The following ENPP2 variants were observed in gnomAD, a reference collection of about 807,000 sequenced individuals.
ENPP2 encodes the protein autotaxin.
A neutral mutation model predicts 120.2 loss-of-function variants in ENPP2; 51 were observed. The observed-to-expected ratio is 0.42, with a 90% confidence interval of 0.34 to 0.54. ENPP2 has a LOEUF of 0.54. Ranked by LOEUF, ENPP2 falls within the 20% of genes least tolerant of loss-of-function variation. ENPP2 has a pLI of 0.04. For missense variants in ENPP2, 920 were observed against 1,066.5 expected, an observed-to-expected ratio of 0.86 and a Z score of 1.91; for synonymous variants, 365 against 366.4, an observed-to-expected ratio of 1.00 and a Z score of 0.04.
intron 13 of ENPP2, 74 bp downstream of exon 13, chr8:119,590,431 C>A: frequency 8.2e-7 from 1 of 1,220,362 alleles, no homozygotes; most frequent in South Asian, 2.0e-5. Flanking sequence ...AGTATTTCAG[C>A]TTTAGAAAAC....
chr8:119,650,274 T>C (rs1459122130), intron 1 of ENPP2, among the ~76,000 whole-genome samples: 1 of 152,096 alleles, frequency 6.6e-6, no homozygotes, highest in Admixed American at 6.5e-5. Context: ...ATATAAAACA[T>C]CTAGAAGAGG....
Position 119,593,763 on chromosome 8 carries a change from A to T in ENPP2, c.1070T>A (p.Val357Asp). Reference sequence around the variant, plus strand: ...AAACAAAGCTTTACCATGGTCTCCGACAAAGATGACGTTGACACACCGATG... The same window carrying T: ...AAACAAAGCTTTACCATGGTCTCCGTCAAAGATGACGTTGACACACCGATG... ...KLHRCVNVIF[V>D]GDHGMEDVTC... Residue 357 changes from valine to aspartate, a missense_variant, in exon 12 of 25, where the codon GTC (valine) becomes GAC (aspartate). Coordinates refer to ENST00000075322, the MANE Select transcript of ENPP2 (RefSeq NM_001040092.3). The T allele has an allele frequency of 6.2e-7, 1 of 1,602,986 alleles. No homozygotes were observed. The highest frequency in any genetic ancestry group is 1.1e-5 in the South Asian group (1 of 90,862).
rs73712345 is a variant in ENPP2, at chr8:119,596,882, C to A, written c.973-3022G>T. Reference sequence around the variant, plus strand: ...AAGTTGACACATAAACTGAAGATAACCTTTTGGGATTTCCAAATGCTGGAG... The same window carrying A: ...AAGTTGACACATAAACTGAAGATAAACTTTTGGGATTTCCAAATGCTGGAG... On this transcript the variant is annotated intron_variant, in intron 11 of 24. Transcript: ENST00000075322. 2.6e-5 allele frequency among the ~76,000 whole-genome samples: 4 copies of A among 152,036 alleles called. No individual in the cohort carries two copies. In the East Asian group the frequency reaches 7.8e-4, roughly 29 times the overall value.
chr8:119,654,728 A>T (rs1817721305), intron 1 of ENPP2, among the ~76,000 whole-genome samples: 1 of 152,122 alleles, frequency 6.6e-6, no homozygotes. Flanking sequence ...AAATAGTTAT[A>T]AAAAATGAAC....
chr8:119,655,287 A>T (rs1185859591), intron 1 of ENPP2, among the ~76,000 whole-genome samples: 1 of 152,218 alleles, frequency 6.6e-6, no homozygotes, highest in African/African-American at 2.4e-5. Flanking sequence ...TCCTTTGTAA[A>T]CAGAGAGTCA....
chr8:119,581,590 T>C (rs1445239352), intron 18 of ENPP2, among the ~76,000 whole-genome samples: 1 of 152,102 alleles, frequency 6.6e-6, no homozygotes, highest in African/African-American at 2.4e-5. Context: ...TGTCTCTCCA[T>C]GTTTTGGAAA....
Position 119,562,990 on chromosome 8 carries a change from G to C in ENPP2, c.2288C>G (p.Pro763Arg). The C allele has an allele frequency of 6.2e-7, 1 of 1,613,882 alleles. No homozygotes were observed. Among genetic ancestry groups the C allele is most frequent in the Non-Finnish European group, 8.5e-7 (1 of 1,179,884 alleles). ...IKQYVEGSSI[P>R]VPTHYYSIIT... ...GATGCTGTAGTAGTGAGTTGGAACAGGAATGGAACTGCCTTCCACGTACCT... is the reference window on the plus strand; with the variant it reads ...GATGCTGTAGTAGTGAGTTGGAACACGAATGGAACTGCCTTCCACGTACCT... The change falls in exon 24 of 25, where the codon CCT becomes CGT. Residue 763 changes from proline to arginine, a missense_variant. By Grantham distance (103) the Pro-to-Arg change is moderately radical (BLOSUM62 -2). Transcript: ENST00000075322.
At chr8:119,661,738 A>G (rs1172582786) in intron 1 of ENPP2, among the ~76,000 whole-genome samples, 1 of 152,214 alleles carries the variant, frequency 6.6e-6, no homozygotes, top group Non-Finnish European at 1.5e-5. Context: ...TTGCAGCATT[A>G]TTCACAATAG....
chr8:119,577,564 A>G (rs544770906), intron 19 of ENPP2, among the ~76,000 whole-genome samples: 1 of 152,262 alleles, frequency 6.6e-6, no homozygotes, highest in Non-Finnish European at 1.5e-5. Flanking sequence ...AGGTTTATAC[A>G]TATTCCAGCA....
chr8:119,557,267 A>G lies in ENPP2; in HGVS notation c.*254T>C. 3 of 411,608 alleles carry G rather than the reference A, an allele frequency of 7.3e-6. No individual in the cohort carries two copies. The highest frequency in any genetic ancestry group is 1.3e-5 in the Non-Finnish European group (3 of 232,062). 25.5% of individuals were successfully genotyped at this position (411,608 alleles called of 1,614,324 possible). On this transcript the variant is annotated 3_prime_UTR_variant, in exon 25 of 25. Transcript: ENST00000075322. The stretch of plus-strand genomic sequence containing the variant: ...AATATTTCCTCAATGCAAATATCAA[A>G]TCTGCAGCACCATTTAGAAGCTTCC...
intron 2 of ENPP2, among the ~76,000 whole-genome samples, chr8:119,633,152 T>C (rs1188788006): frequency 6.6e-6 from 1 of 152,220 alleles, no homozygotes; most frequent in African/African-American, 2.4e-5. Context: ...GCCTAACCGA[T>C]GACAAAAGTT....
chr8:119,647,022 G>C (rs989612571), intron 1 of ENPP2, among the ~76,000 whole-genome samples: 6 of 145,188 alleles, frequency 4.1e-5, no homozygotes, highest in African/African-American at 1.6e-4. Flanking sequence ...TTTTGAGACA[G>C]AGTTTGGCTC....
chr8:119,590,825 T>G (rs1813444149), intron 12 of ENPP2, among the ~76,000 whole-genome samples, 195 bp from the exon 13 acceptor site: 1 of 152,066 alleles, frequency 6.6e-6, no homozygotes, highest in South Asian at 2.1e-4. Flanking sequence ...CTCTAGACTT[T>G]TACTTAGCCA....
chr8:119,584,889 C>T (rs934219676), intron 15 of ENPP2, among the ~76,000 whole-genome samples: 25 of 152,142 alleles, frequency 1.6e-4, no homozygotes, highest in African/African-American at 4.1e-4. Context: ...ATCTAACATA[C>T]GGGTCTCCAC....
intron 12 of ENPP2, among the ~76,000 whole-genome samples, chr8:119,592,473 C>CAAAAAAAAAAA (rs61330053): frequency 1.6e-4 from 9 of 54,932 alleles, no homozygotes; most frequent in Non-Finnish European, 2.4e-4. Flanking sequence ...AACTCCACCT[C>CAAAAAAAAAAA]AAAAAAAAAA....
chr8:119,666,427 TA>T (rs1377920068), intron 1 of ENPP2, among the ~76,000 whole-genome samples: 3 of 152,110 alleles, frequency 2.0e-5, no homozygotes, highest in Non-Finnish European at 4.4e-5. Flanking sequence ...CAAAAAAGTA[TA>T]AAAATAATTA....
At chr8:119,615,610 T>G (rs1296917505) in intron 8 of ENPP2, among the ~76,000 whole-genome samples, 1 of 152,206 alleles carries the variant, frequency 6.6e-6, no homozygotes, top group Admixed American at 6.5e-5. Context: ...CAAGGTAGGA[T>G]TCTGCTTTTT....
At chr8:119,632,648 T>C (rs935240569) in intron 2 of ENPP2, among the ~76,000 whole-genome samples, 3 of 152,346 alleles carry the variant, frequency 2.0e-5, no homozygotes, top group East Asian at 3.9e-4. Flanking sequence ...GAAACACCAA[T>C]GTAAAACATA....
chr8:119,580,448 G>A, intron 18 of ENPP2: 1 of 434,354 alleles, frequency 2.3e-6, no homozygotes, highest in Non-Finnish European at 4.1e-6. Context: ...TGTGGGTACT[G>A]ATGATGACTT....
Sources: gnomAD v4.1 joint callset for allele counts (sites outside exome capture counted in the v4.1 genomes callset) on GRCh38, gnomAD v4.1.1 for gene constraint, MANE v1.5 for transcripts, NCBI Gene and HGNC (gene_info 2026-07-23, HGNC 2026-07-21) for gene names.